Variants in IFRD1 observed in about 807,000 individuals in gnomAD.
IFRD1 encodes interferon-related developmental regulator 1.
Under a neutral mutation model 52.9 loss-of-function variants are expected in IFRD1, and 35 were observed. The observed-to-expected ratio is 0.66, with a 90% CI of 0.51 to 0.88. The LOEUF (loss-of-function observed/expected upper bound fraction) is 0.88. Among genes scored for constraint, IFRD1 ranks in the 40% least tolerant of loss-of-function variants. The pLI, the probability that IFRD1 is intolerant of heterozygous loss-of-function variation, is 0.00. For missense variants in IFRD1, 517 were observed against 550.8 expected, an observed-to-expected ratio of 0.94 and a Z score of 0.61; for synonymous variants, 184 against 188.4, an observed-to-expected ratio of 0.98 and a Z score of 0.19.
At position 112,462,368 on chromosome 7, in the gene IFRD1, G is replaced by T; in HGVS notation, c.896G>T (p.Gly299Val). The T allele has an allele frequency of 6.2e-7, 1 of 1,606,806 alleles. No homozygotes were observed. Among genetic ancestry groups the T allele is most frequent in the Non-Finnish European group, 8.5e-7 (1 of 1,173,570 alleles). Residue 299 changes from glycine (G) to valine (V), a missense_variant, in exon 8 of 12, where the codon GGA becomes GTA. Physicochemically the swap from Gly to Val is moderately radical, Grantham distance 109 (BLOSUM62 -3). Coordinates refer to ENST00000403825, the MANE Select transcript of IFRD1 (RefSeq NM_001550.4). ...GCACTTCTCTTTGAATTGGCCAGAG[G>T]AATAGAGAGTGTAAGTATCTAACTG... ...SLALLFELAR[G>V]IESDFFYEDM...
chr7:112,443,026 T>C (rs1794931276), intron 1 of IFRD1, among the ~76,000 whole-genome samples: 1 of 152,192 alleles, frequency 6.6e-6, no homozygotes, highest in South Asian at 2.1e-4. Context: ...TCCAACCACA[T>C]GAAATAGGTT....
intron 1 of IFRD1, among the ~76,000 whole-genome samples, chr7:112,442,403 CT>C (rs1188130746): frequency 6.6e-6 from 1 of 152,190 alleles, no homozygotes; most frequent in Non-Finnish European, 1.5e-5. Context: ...TTACAAAGAC[CT>C]TTACATAATG....
At chr7:112,425,141 G>T (rs1046871936) in intron 1 of IFRD1, among the ~76,000 whole-genome samples, 1 of 152,202 alleles carries the variant, frequency 6.6e-6, no homozygotes, top group Non-Finnish European at 1.5e-5. Flanking sequence ...CAGTAGCTGG[G>T]ATTATAGGTA....
In IFRD1 at chr7:112,443,286, G is replaced by T. The variant is rs1584477542; in HGVS notation, c.-181-7222G>T. On this transcript the variant is annotated intron_variant, in intron 1 of 12. Coordinates refer to the IFRD1 transcript ENST00000005558. ...TAGTACTACCACACGGAGAAAGCTG[G>T]GAACAAGAACTGGTTGTAGACTGGG... is the stretch of plus-strand genomic sequence containing the variant. 2.6e-5 allele frequency among the ~76,000 whole-genome samples: 4 copies of T among 152,244 alleles called. No individual in the cohort carries two copies. The South Asian group carries it at 8.3e-4, about 32-fold the overall frequency.
rs962530594 is a variant in IFRD1, at chr7:112,450,516, G to A, written c.-173G>A. On this transcript the variant is annotated 5_prime_UTR_variant, in exon 1 of 12. Transcript: ENST00000403825. The stretch of plus-strand genomic sequence containing the variant: ...ATCGTTTTCGATCACAGCTCTTCAC[G>A]GGGATTTCTGCTGCCGCCACCGCCC... 1 of 649,302 alleles carries A rather than the reference G, an allele frequency of 1.5e-6. No homozygotes were observed. The highest frequency in any genetic ancestry group is 1.7e-5 in the South Asian group (1 of 58,226). 40.2% of individuals were successfully genotyped at this position (649,302 alleles called of 1,614,324 possible). A position where few individuals can be genotyped will look rare whatever the true frequency, so the allele number is the denominator to read the frequency against.
intron 9 of IFRD1, among the ~76,000 whole-genome samples, chr7:112,470,354 G>A (rs532263910): frequency 3.9e-5 from 6 of 152,164 alleles, no homozygotes; most frequent in Non-Finnish European, 5.9e-5. Flanking sequence ...ACTTAGGTCC[G>A]TCGATTAGGT....
chr7:112,424,235 G>A (rs757093855), intron 1 of IFRD1, among the ~76,000 whole-genome samples: 86 of 152,030 alleles, frequency 5.7e-4, no homozygotes, highest in Non-Finnish European at 9.6e-4. Flanking sequence ...AGTGGCCATC[G>A]TCTGGGGATA....
At chr7:112,433,021 G>A (rs543497120) in intron 1 of IFRD1, among the ~76,000 whole-genome samples, 6 of 152,176 alleles carry the variant, frequency 3.9e-5, no homozygotes, top group South Asian at 2.1e-4. Flanking sequence ...GAATGGATAC[G>A]GCACTGTAAG....
Position 112,455,852 on chromosome 7 carries a change from A to C in IFRD1, c.184A>C (p.Ser62Arg). The C allele has an allele frequency of 6.2e-7, 1 of 1,608,310 alleles. No individual in the cohort carries two copies. The highest frequency in any genetic ancestry group is 1.3e-5 in the African/African-American group (1 of 74,948). ...SHCSGYSDPS[S>R]FAEDGPEVLD... ...TTGCAGTGGTTATAGCGATCCTTCCAGTTTTGCTGAAGATGGTATGAGTTT... is the reference window on the plus strand; with the variant it reads ...TTGCAGTGGTTATAGCGATCCTTCCCGTTTTGCTGAAGATGGTATGAGTTT... The change falls in exon 2 of 12, where the codon AGT becomes CGT. Residue 62 changes from serine (S) to arginine (R), a missense_variant. Ser to Arg is a moderately radical substitution (Grantham distance 110). Transcript: ENST00000403825.
At chr7:112,469,843 CCTT>C (rs1409968057) in intron 9 of IFRD1, among the ~76,000 whole-genome samples, 1 of 152,152 alleles carries the variant, frequency 6.6e-6, no homozygotes, top group African/African-American at 2.4e-5. Flanking sequence ...TACCCGCCCA[CCTT>C]CTTTTCTTCA....
chr7:112,445,393 ACT>A (rs1795005262), intron 1 of IFRD1, among the ~76,000 whole-genome samples: 1 of 152,020 alleles, frequency 6.6e-6, no homozygotes, highest in Non-Finnish European at 1.5e-5. Context: ...CAACAGACGC[ACT>A]GTTTACCAAT....
intron 1 of IFRD1, among the ~76,000 whole-genome samples, chr7:112,442,064 C>T (rs1293391592): frequency 6.6e-6 from 1 of 152,198 alleles, no homozygotes; most frequent in African/African-American, 2.4e-5. Context: ...GGAACTTGCA[C>T]ACAGTCACCA....
chr7:112,463,890 ACACACCC>A (rs1432544335), intron 8 of IFRD1, among the ~76,000 whole-genome samples: 5 of 22,080 alleles, frequency 2.3e-4, no homozygotes, highest in Admixed American at 1.1e-3. Context: ...ACACACACAC[ACACACCC>A]CACGTATCTT....
intron 11 of IFRD1, among the ~76,000 whole-genome samples, chr7:112,473,468 A>G (rs1795815966): frequency 6.6e-6 from 1 of 151,506 alleles, no homozygotes; most frequent in Non-Finnish European, 1.5e-5. Flanking sequence ...TCTGTCACTC[A>G]GACTGGAGTG....
At chr7:112,431,559 TA>T (rs1214921925) in intron 1 of IFRD1, among the ~76,000 whole-genome samples, 1 of 152,190 alleles carries the variant, frequency 6.6e-6, no homozygotes, top group Non-Finnish European at 1.5e-5. Flanking sequence ...ACCTATTCCT[TA>T]TATCTATGCA....
chr7:112,432,334 C>T lies in IFRD1; in HGVS notation c.-182+8902C>T, dbSNP rs184124145. The stretch of plus-strand genomic sequence containing the variant: ...CATGTGTCAGGATCTGTGTTAGATG[C>T]TAAGGAGACAACAGTGAACACCACA... On this transcript the variant is annotated intron_variant, in intron 1 of 12. Transcript: ENST00000005558. 2.2e-3 allele frequency among the ~76,000 whole-genome samples: 330 copies of T among 152,196 alleles called. 1 individual carries two copies. The highest frequency in any genetic ancestry group is 4.0e-3 in the Non-Finnish European group (275 of 68,020).
At chr7:112,453,670 A>G (rs1012438763) in intron 1 of IFRD1, among the ~76,000 whole-genome samples, 3 of 152,218 alleles carry the variant, frequency 2.0e-5, no homozygotes, top group Admixed American at 6.5e-5. Flanking sequence ...AGATCCAGAA[A>G]TAGAGTGTGA....
At chr7:112,467,437 A>C (rs1795638927) in intron 8 of IFRD1, 1 of 158,232 alleles carries the variant, frequency 6.3e-6, no homozygotes, top group Admixed American at 6.1e-5. Context: ...AGCAAATTTC[A>C]ATACATTTTG....
intron 11 of IFRD1, 48 bp downstream of exon 11, chr7:112,472,909 G>T: frequency 1.5e-6 from 2 of 1,326,202 alleles, no homozygotes; most frequent in South Asian, 2.3e-5. Flanking sequence ...CCAAAGCTTT[G>T]ATTCTGTCTA....
Sources: allele counts gnomAD v4.1 joint callset (sites outside exome capture counted in the v4.1 genomes callset), GRCh38; gene constraint gnomAD v4.1.1; transcripts MANE v1.5; gene names NCBI Gene and HGNC (gene_info 2026-07-23, HGNC 2026-07-21).